Variants in OLA1 observed in about 807,000 individuals in gnomAD.
OLA1 encodes Obg like ATPase 1.
OLA1 carries 14 observed loss-of-function variants against 48.4 expected under a neutral mutation model. The observed-to-expected ratio is 0.29, with a 90% confidence interval of 0.19 to 0.45. The LOEUF (loss-of-function observed/expected upper bound fraction) is 0.45. Ranked by LOEUF, OLA1 falls within the 20% of genes least tolerant of loss-of-function variation. OLA1 has a pLI of 1.00. For synonymous variants in OLA1, 127 were observed against 150.4 expected, an observed-to-expected ratio of 0.84 and a Z score of 1.14; for missense variants, 325 against 467.1, an observed-to-expected ratio of 0.70 and a Z score of 2.80.
At chr2:174,105,573 A>C (rs1316919058) in intron 7 of OLA1, among the ~76,000 whole-genome samples, 1 of 152,022 alleles carries the variant, frequency 6.6e-6, no homozygotes, top group African/African-American at 2.4e-5. Flanking sequence ...CAAATATGTC[A>C]GGGTAAACTG....
At chr2:174,100,994 G>A (rs966574314) in intron 7 of OLA1, among the ~76,000 whole-genome samples, 9 of 152,158 alleles carry the variant, frequency 5.9e-5, no homozygotes, top group Admixed American at 3.9e-4. Flanking sequence ...TGTAGTAAAT[G>A]CATGTATAAG....
At chr2:174,195,918 A>T (rs1327329627) in intron 4 of OLA1, among the ~76,000 whole-genome samples, 1 of 152,164 alleles carries the variant, frequency 6.6e-6, no homozygotes, top group Non-Finnish European at 1.5e-5. Flanking sequence ...TCAGTGAAAT[A>T]ATTATCTAAA....
chr2:174,221,460 C>T (rs1445544259), intron 4 of OLA1, among the ~76,000 whole-genome samples: 1 of 152,092 alleles, frequency 6.6e-6, no homozygotes, highest in Non-Finnish European at 1.5e-5. Flanking sequence ...GTTCTGAAAC[C>T]TTATCAGGGA....
intron 5 of OLA1, among the ~76,000 whole-genome samples, chr2:174,128,556 C>G (rs1686099143): frequency 6.6e-6 from 1 of 151,520 alleles, no homozygotes. Flanking sequence ...ATAGCGAAAC[C>G]CCATCTCTAC....
At chr2:174,121,850 G>A (rs4145305) in intron 7 of OLA1, among the ~76,000 whole-genome samples, 19,573 of 152,114 alleles carry the variant, frequency 0.13, 1,441 homozygotes, top group East Asian at 0.21. Flanking sequence ...ATACAGGTGT[G>A]AGAAGTCCCT....
At chr2:174,095,641 T>G (rs865900909) in intron 7 of OLA1, among the ~76,000 whole-genome samples, 1 of 152,048 alleles carries the variant, frequency 6.6e-6, no homozygotes, top group African/African-American at 2.4e-5. Flanking sequence ...CAACTGGATA[T>G]CCACATACAA....
At chr2:174,094,222 A>G (rs1685192703) in intron 7 of OLA1, among the ~76,000 whole-genome samples, 2 of 152,366 alleles carry the variant, frequency 1.3e-5, no homozygotes, top group South Asian at 4.1e-4. Flanking sequence ...AGACAGAAAT[A>G]TATTTAACAA....
At chr2:174,237,997 C>T (rs1396550196) in intron 2 of OLA1, among the ~76,000 whole-genome samples, 3 of 152,122 alleles carry the variant, frequency 2.0e-5, no homozygotes, top group East Asian at 1.9e-4. Context: ...ATGGGACCTC[C>T]GTCATATATG....
chr2:174,087,031 C>CA (rs1553477361), intron 7 of OLA1, among the ~76,000 whole-genome samples: 1 of 142,074 alleles, frequency 7.0e-6, no homozygotes, highest in Non-Finnish European at 1.5e-5. Flanking sequence ...TTCTTTTTTT[C>CA]TTTTTTTTTT....
Position 174,112,064 on chromosome 2 carries a change from G to A in OLA1, c.728+11116C>T, listed in dbSNP as rs74748569. Among the ~76,000 whole-genome samples the A allele has an allele frequency of 7.9e-3, 1,206 of 152,220 alleles. 18 individuals carry two copies. The highest frequency in any genetic ancestry group is 0.027 in the African/African-American group (1,138 of 41,534). On this transcript the variant is annotated intron_variant, in intron 7 of 10. Coordinates refer to ENST00000284719, the MANE Select transcript of OLA1 (RefSeq NM_013341.5). ...AGGTTATAATGAATTTTTAGTCTCA[G>A]ATTTTATAGTGCATGAACTGTCTAA...
chr2:174,082,296 T>C (rs138760499), intron 7 of OLA1, among the ~76,000 whole-genome samples: 10 of 152,302 alleles, frequency 6.6e-5, no homozygotes, highest in African/African-American at 2.2e-4. Flanking sequence ...CTATGGAAAC[T>C]ATTATACAAA....
rs555830233 is a variant in OLA1, at chr2:174,186,067, A to G, written c.373+36966T>C. The stretch of plus-strand genomic sequence containing the variant: ...ACTTTACAAGAAATGTACAAAACCA[A>G]CATGAGAGACCTTTAACACATTTCT... On this transcript the variant is annotated intron_variant, in intron 4 of 10. Transcript: ENST00000284719. 8.5e-5 allele frequency among the ~76,000 whole-genome samples: 13 copies of G among 152,356 alleles called. No homozygotes were observed. In the South Asian group the frequency reaches 2.3e-3, roughly 27 times the overall value.
chr2:174,096,912 C>T (rs935012847), intron 7 of OLA1, among the ~76,000 whole-genome samples: 19 of 152,178 alleles, frequency 1.2e-4, no homozygotes, highest in Admixed American at 7.2e-4. Context: ...AATCTCAGCA[C>T]TTTGGGAAGC....
At chr2:174,128,106 T>C (rs574504813) in intron 5 of OLA1, among the ~76,000 whole-genome samples, 1 of 151,816 alleles carries the variant, frequency 6.6e-6, no homozygotes, top group East Asian at 1.9e-4. Context: ...AGAAACAATC[T>C]AAAAAGCCAG....
chr2:174,095,331 T>TG (rs1213443420), intron 7 of OLA1, among the ~76,000 whole-genome samples: 1 of 108,040 alleles, frequency 9.3e-6, no homozygotes, highest in Non-Finnish European at 2.2e-5. Context: ...TCCTGTTTTT[T>TG]TTTTTTTTTT....
In OLA1 at chr2:174,075,076, C is replaced by T. The variant is rs564390082; in HGVS notation, c.*350G>A. 31 of 226,582 alleles carry T rather than the reference C, an allele frequency of 1.4e-4. No homozygotes were observed. In the Admixed American group the frequency reaches 1.6e-3, roughly 12 times the overall value. The allele number at this position is 226,582 out of a possible 1,614,324, so 14.0% of individuals were successfully genotyped here. A position where few individuals can be genotyped will look rare whatever the true frequency, so the allele number is the denominator to read the frequency against. On this transcript the variant is annotated 3_prime_UTR_variant, in exon 11 of 11. Coordinates refer to ENST00000284719, the MANE Select transcript of OLA1 (RefSeq NM_013341.5). The stretch of plus-strand genomic sequence containing the variant: ...GTAAAACATGCATTATCTGTAGATT[C>T]AAAAAGGAGCAAGCCACATTGTCCT...
chr2:174,215,366 A>C (rs1446003106), intron 4 of OLA1, among the ~76,000 whole-genome samples: 4 of 152,222 alleles, frequency 2.6e-5, no homozygotes, highest in Admixed American at 6.5e-5. Context: ...TTACATAACA[A>C]ATTTACTAAT....
At chr2:174,188,247 G>A (rs1687697576) in intron 4 of OLA1, among the ~76,000 whole-genome samples, 1 of 152,094 alleles carries the variant, frequency 6.6e-6, no homozygotes, top group Admixed American at 6.6e-5. Flanking sequence ...ACACAAAAAT[G>A]TTGTTAATGA....
intron 4 of OLA1, among the ~76,000 whole-genome samples, chr2:174,188,840 T>C (rs1417803586): frequency 6.6e-6 from 1 of 152,234 alleles, no homozygotes; most frequent in African/African-American, 2.4e-5. Context: ...TGTTTAGACT[T>C]GGGTCCCATA....
Sources: allele counts gnomAD v4.1 joint callset (sites outside exome capture counted in the v4.1 genomes callset), GRCh38; gene constraint gnomAD v4.1.1; transcripts MANE v1.5; gene names NCBI Gene and HGNC (gene_info 2026-07-23, HGNC 2026-07-21).